The following KLRG1 variants were observed in gnomAD, a reference collection of about 807,000 sequenced individuals.
KLRG1 encodes killer cell lectin like receptor G1.
KLRG1 carries 16 observed loss-of-function variants against 21.8 expected under a neutral mutation model. The ratio of observed to expected loss-of-function variants is 0.73; its 90% CI spans 0.50 to 1.11. KLRG1 has a LOEUF of 1.11. Among genes scored for constraint, KLRG1 ranks in the 50% most tolerant of loss-of-function variants. The pLI, the probability that KLRG1 is intolerant of heterozygous loss-of-function variation, is 0.00. For missense variants in KLRG1, 173 were observed against 218.3 expected, an observed-to-expected ratio of 0.79 and a Z score of 1.31; for synonymous variants, 69 against 75.9, an observed-to-expected ratio of 0.91 and a Z score of 0.47.
chr12:9,008,499 C>T (rs1327994679), intron 3 of KLRG1, among the ~76,000 whole-genome samples: 3 of 152,192 alleles, frequency 2.0e-5, no homozygotes, highest in African/African-American at 7.2e-5. Context: ...TTGGGCTGCT[C>T]TAACAAAATA....
intron 3 of KLRG1, among the ~76,000 whole-genome samples, chr12:8,997,722 A>G (rs1470349978): frequency 6.6e-6 from 1 of 152,214 alleles, no homozygotes; most frequent in Non-Finnish European, 1.5e-5. Context: ...AAAGTGTACA[A>G]TAATAACAGA....
chr12:8,987,280 T>C (rs1286968169), upstream of KLRG1: 1 of 152,186 alleles, frequency 6.6e-6, no homozygotes, highest in Non-Finnish European at 1.5e-5. Flanking sequence ...GTAATTAAGG[T>C]TAAATCAGGT....
the KLRG1 span, among the ~76,000 whole-genome samples, chr12:9,178,469 A>G: frequency 0.083 from 12,638 of 152,218 alleles, 724 homozygotes; most frequent in African/African-American, 0.16. Context: ...GGGAGGTGAA[A>G]GAGAAGCCGT....
At chr12:8,950,999 G>C (rs1946191434) in intron 1 of KLRG1, among the ~76,000 whole-genome samples, 1 of 151,178 alleles carries the variant, frequency 6.6e-6, no homozygotes, top group African/African-American at 2.4e-5. Flanking sequence ...GTTCAGGCTA[G>C]GTAGTAATCA....
the KLRG1 span, among the ~76,000 whole-genome samples, chr12:9,084,329 A>T: frequency 6.6e-6 from 1 of 152,206 alleles, no homozygotes; most frequent in South Asian, 2.1e-4. Context: ...AAGCAATTTT[A>T]TCTCTAGTAC....
At chr12:9,140,831 C>T in the KLRG1 span, among the ~76,000 whole-genome samples, 33 of 152,190 alleles carry the variant, frequency 2.2e-4, no homozygotes, top group Admixed American at 1.4e-3. Flanking sequence ...GCCAGTTTCC[C>T]GAGAGTTTTA....
At chr12:9,101,734 C>T in the KLRG1 span, 6 of 1,338,018 alleles carry the variant, frequency 4.5e-6, no homozygotes, top group Admixed American at 6.2e-5. Flanking sequence ...TTAATGTTCT[C>T]ACAAAACTAC....
At chr12:8,960,161 C>G (rs1315949229) in intron 1 of KLRG1, among the ~76,000 whole-genome samples, 1 of 152,142 alleles carries the variant, frequency 6.6e-6, no homozygotes, top group Non-Finnish European at 1.5e-5. Context: ...CCACAATTCC[C>G]CCTACTTAAT....
chr12:8,978,968 G>A (rs1229986706), intron 1 of KLRG1, among the ~76,000 whole-genome samples: 2 of 150,766 alleles, frequency 1.3e-5, no homozygotes, highest in Admixed American at 6.6e-5. Flanking sequence ...ACCTGCTTCA[G>A]CCTCCCAAAG....
chr12:9,123,902 G>C, the KLRG1 span, among the ~76,000 whole-genome samples: 1 of 143,514 alleles, frequency 7.0e-6, no homozygotes, highest in Non-Finnish European at 1.5e-5. Context: ...CTACCAAACA[G>C]AAAGGATGCT....
At chr12:9,101,675 C>G in the KLRG1 span, 1 of 1,601,666 alleles carries the variant, frequency 6.2e-7, no homozygotes, top group Non-Finnish European at 8.5e-7. Context: ...TGTAATTGAC[C>G]TAATGAATTA....
At chr12:9,063,060 C>A in the KLRG1 span, among the ~76,000 whole-genome samples, 21 of 151,660 alleles carry the variant, frequency 1.4e-4, no homozygotes, top group East Asian at 4.1e-3. Flanking sequence ...ACCTTTTTTT[C>A]CCGAGCAATA....
chr12:9,085,066 C>T, the KLRG1 span, among the ~76,000 whole-genome samples: 1 of 152,008 alleles, frequency 6.6e-6, no homozygotes. Flanking sequence ...AGATATGTTG[C>T]AATGCAGTAA....
the KLRG1 span, chr12:9,079,835 G>C: frequency 6.4e-7 from 1 of 1,555,614 alleles, no homozygotes. Context: ...GGGAGAGATG[G>C]GAAGTCATAA....
At chr12:9,078,589 G>T in the KLRG1 span, among the ~76,000 whole-genome samples, 1 of 152,068 alleles carries the variant, frequency 6.6e-6, no homozygotes, top group Non-Finnish European at 1.5e-5. Flanking sequence ...TGGTATTTCT[G>T]GTTCTAGATC....
intron 1 of KLRG1, among the ~76,000 whole-genome samples, chr12:8,963,945 G>A (rs1006318037): frequency 6.6e-6 from 1 of 151,972 alleles, no homozygotes; most frequent in Non-Finnish European, 1.5e-5. Context: ...TATTAGTCTT[G>A]CTAGTGGTCT....
chr12:9,107,764 G>A, the KLRG1 span: 1 of 1,148,386 alleles, frequency 8.7e-7, no homozygotes, highest in Non-Finnish European at 1.2e-6. Flanking sequence ...TCTGCTCTCT[G>A]CTGGGCTCAC....
At chr12:9,031,963 A>G in the KLRG1 span, among the ~76,000 whole-genome samples, 1 of 152,194 alleles carries the variant, frequency 6.6e-6, no homozygotes, top group African/African-American at 2.4e-5. Flanking sequence ...GTTGGCAGGG[A>G]TGGTTCCTTC....
the KLRG1 span, chr12:9,058,112 G>C: frequency 6.6e-6 from 1 of 152,220 alleles, no homozygotes; most frequent in Middle Eastern, 3.4e-3. Context: ...TACATCAGGG[G>C]CTGTTCTTTT....
Sources: allele counts gnomAD v4.1 joint callset (sites outside exome capture counted in the v4.1 genomes callset), GRCh38; gene constraint gnomAD v4.1.1; transcripts MANE v1.5; gene names NCBI Gene and HGNC (gene_info 2026-07-23, HGNC 2026-07-21).